The following ARAP2 variants were observed in gnomAD, a reference collection of about 807,000 sequenced individuals.
The protein encoded by ARAP2 is arf-GAP with Rho-GAP domain, ANK repeat and PH domain-containing protein 2.
ARAP2 carries 148 observed loss-of-function variants against 194.5 expected under a neutral mutation model. The observed-to-expected ratio is 0.76, with a 90% CI of 0.67 to 0.87. The LOEUF is 0.87. ARAP2 is among the 40% of genes least tolerant of loss of function. The pLI is 0.00. For synonymous variants in ARAP2, 695 were observed against 683.5 expected, an observed-to-expected ratio of 1.02 and a Z score of -0.26; for missense variants, 2,128 against 1,989.7, an observed-to-expected ratio of 1.07 and a Z score of -1.32.
chr4:36,163,815 A>G (rs1216495204), intron 11 of ARAP2, among the ~76,000 whole-genome samples: 1 of 152,230 alleles, frequency 6.6e-6, no homozygotes, highest in Non-Finnish European at 1.5e-5. Flanking sequence ...GTCTCTTCCA[A>G]TGAAACTGGA....
At chr4:36,197,205 T>A (rs1359259558) in intron 6 of ARAP2, among the ~76,000 whole-genome samples, 1 of 152,148 alleles carries the variant, frequency 6.6e-6, no homozygotes. Context: ...TAATGATCAA[T>A]CAGGGTAAAT....
chr4:36,107,256 T>C (rs1490054229), intron 27 of ARAP2, among the ~76,000 whole-genome samples: 1 of 151,990 alleles, frequency 6.6e-6, no homozygotes, highest in East Asian at 1.9e-4. Flanking sequence ...AGAGATGACT[T>C]GCCCTCAGTC....
In ARAP2 at chr4:36,228,700, G is replaced by C. The variant is rs1431789487; in HGVS notation, c.787C>G (p.Pro263Ala). 1 of 1,614,082 alleles carries C rather than the reference G, an allele frequency of 6.2e-7. No individual in the cohort carries two copies. Among genetic ancestry groups the C allele is most frequent in the Non-Finnish European group, 8.5e-7 (1 of 1,179,986 alleles). The change falls in exon 2 of 33, where the codon CCA becomes GCA. Residue 263 changes from proline to alanine, a missense_variant. Pro to Ala is a conservative substitution (Grantham distance 27). Coordinates refer to ENST00000303965, the MANE Select transcript of ARAP2 (RefSeq NM_015230.4). ...CGACTTCTCACAGGTGCTAGGATTG[G>C]TGATGATGGAACATACAAGTCATTT... The part of the protein sequence containing the change: ...IVNDLYVPSS[P>A]ILAPVRSRSK...
intron 5 of ARAP2, among the ~76,000 whole-genome samples, chr4:36,027,256 A>T (rs1435381076): frequency 6.6e-6 from 1 of 152,118 alleles, no homozygotes; most frequent in Non-Finnish European, 1.5e-5. Context: ...ATGAGTAAAA[A>T]CTAAAGCACA....
intron 8 of ARAP2, among the ~76,000 whole-genome samples, chr4:36,183,919 AG>A (rs1739887288): frequency 6.6e-6 from 1 of 152,216 alleles, no homozygotes; most frequent in East Asian, 1.9e-4. Context: ...TATTGTATAT[AG>A]ATCATTCAAA....
At chr4:36,182,583 G>A (rs1035432987) in intron 8 of ARAP2, among the ~76,000 whole-genome samples, 4 of 152,054 alleles carry the variant, frequency 2.6e-5, no homozygotes, top group East Asian at 1.9e-4. Context: ...TTTGACCTTC[G>A]TATTAAATAA....
chr4:36,170,434 C>T (rs1736349798), intron 9 of ARAP2, among the ~76,000 whole-genome samples: 1 of 152,056 alleles, frequency 6.6e-6, no homozygotes, highest in African/African-American at 2.4e-5. Flanking sequence ...CAAACGAAAA[C>T]CAAAAAGACT....
intron 7 of ARAP2, 137 bp downstream of exon 7, chr4:36,193,441 A>C (rs1413600754): frequency 2.0e-6 from 1 of 503,048 alleles, no homozygotes; most frequent in Non-Finnish European, 3.5e-6. Context: ...GCATATGGTA[A>C]TATATTTATT....
At chr4:36,023,192 A>C (rs2109344145) in intron 5 of ARAP2, among the ~76,000 whole-genome samples, 1 of 152,332 alleles carries the variant, frequency 6.6e-6, no homozygotes, top group East Asian at 1.9e-4. Context: ...ATTCAGCCAA[A>C]GAGTTCGGCA....
Position 36,228,669 on chromosome 4 carries a change from T to G in ARAP2, c.818A>C (p.Lys273Thr). 1 of 1,614,074 alleles carries G rather than the reference T, an allele frequency of 6.2e-7. No individual in the cohort carries two copies. Among genetic ancestry groups the G allele is most frequent in the Non-Finnish European group, 8.5e-7 (1 of 1,179,964 alleles). Reference sequence around the variant, plus strand: ...AGATCGAGATGGTCTTGAAACCAACTTGCTACGACTTCTCACAGGTGCTAG... The same window carrying G: ...AGATCGAGATGGTCTTGAAACCAACGTGCTACGACTTCTCACAGGTGCTAG... ...PILAPVRSRS[K>T]LVSRPSRSFL... is the part of the protein sequence containing the mutation. The change falls in exon 2 of 33, where the codon AAG becomes ACG. Residue 273 changes from lysine (K) to threonine (T), a missense_variant. By Grantham distance (78) the Lys-to-Thr change is moderately conservative. Transcript: ENST00000303965.
chr4:36,098,233 AT>A (rs1715860655), intron 27 of ARAP2, among the ~76,000 whole-genome samples: 1 of 152,092 alleles, frequency 6.6e-6, no homozygotes, highest in African/African-American at 2.4e-5. Flanking sequence ...TCAGATATAT[AT>A]CCCCCGCTTT....
downstream of ARAP2, among the ~76,000 whole-genome samples, chr4:36,062,203 A>G (rs1724558145): frequency 6.6e-6 from 1 of 152,060 alleles, no homozygotes; most frequent in South Asian, 2.1e-4. Flanking sequence ...TGGGGATATT[A>G]CTCAAGAAAT....
intron 5 of ARAP2, among the ~76,000 whole-genome samples, chr4:36,031,339 A>C (rs949211073): frequency 6.6e-6 from 1 of 152,202 alleles, no homozygotes; most frequent in Non-Finnish European, 1.5e-5. Flanking sequence ...TATGATAGAT[A>C]AATAAAACTG....
At chr4:36,154,798 T>C (rs945711490) in intron 15 of ARAP2, among the ~76,000 whole-genome samples, 1 of 152,230 alleles carries the variant, frequency 6.6e-6, no homozygotes. Flanking sequence ...TCCTGACAAG[T>C]GCTGATGGAG....
downstream of ARAP2, chr4:36,065,765 G>A (rs1204260795): frequency 6.5e-6 from 1 of 152,866 alleles, no homozygotes; most frequent in African/African-American, 2.4e-5. Flanking sequence ...GTAGGGATGT[G>A]GCTGGTCAGC....
chr4:36,231,130 A>G (rs1275537788), intron 1 of ARAP2, among the ~76,000 whole-genome samples: 1 of 152,162 alleles, frequency 6.6e-6, no homozygotes, highest in Non-Finnish European at 1.5e-5. Context: ...TGAGGTCAGG[A>G]GATGGAGACC....
At chr4:36,108,850 AG>A (rs1719107540) in intron 26 of ARAP2, among the ~76,000 whole-genome samples, 1 of 151,970 alleles carries the variant, frequency 6.6e-6, no homozygotes, top group South Asian at 2.1e-4. Context: ...TAATAAGAAA[AG>A]AAGCTGTGAC....
intron 5 of ARAP2, among the ~76,000 whole-genome samples, chr4:36,022,616 AAG>A (rs1343912836): frequency 1.3e-5 from 2 of 152,186 alleles, no homozygotes; most frequent in African/African-American, 2.4e-5. Flanking sequence ...CAGTTTCTAG[AAG>A]AGTCTTTTCT....
chr4:36,107,646 A>G lies in ARAP2; in HGVS notation c.4204T>C (p.Trp1402Arg). ...GAGCCAGGTTCAGCTAATGAACTCC[A>G]CCGAAGCACCTGCTCCAGTACATTT... ...KENVLEQVLRWSSLAEPGSAY... is the reference protein window; with the variant it reads ...KENVLEQVLRRSSLAEPGSAY... The change falls in exon 27 of 33, where the codon TGG becomes CGG. Residue 1402 changes from tryptophan (W) to arginine (R), a missense_variant. By Grantham distance (101) the Trp-to-Arg change is moderately radical. Coordinates refer to ENST00000303965, the MANE Select transcript of ARAP2 (RefSeq NM_015230.4). 6.2e-7 allele frequency: 1 copy of G among 1,610,876 alleles called. No individual in the cohort carries two copies. Among genetic ancestry groups the G allele is most frequent in the Non-Finnish European group, 8.5e-7 (1 of 1,178,080 alleles).
Sources: allele counts gnomAD v4.1 joint callset (sites outside exome capture counted in the v4.1 genomes callset), GRCh38; gene constraint gnomAD v4.1.1; transcripts MANE v1.5; gene names NCBI Gene and HGNC (gene_info 2026-07-23, HGNC 2026-07-21).